Variants in KCNH7 observed in about 807,000 individuals in gnomAD.
KCNH7 encodes potassium voltage-gated channel subfamily H member 7.
Under a neutral mutation model 120.8 loss-of-function variants are expected in KCNH7, and 49 were observed. The ratio of observed to expected loss-of-function variants is 0.41; its 90% CI spans 0.32 to 0.51. The LOEUF is 0.51. Among genes scored for constraint, KCNH7 ranks in the 20% least tolerant of loss-of-function variants. KCNH7 has a pLI of 0.38. For synonymous variants in KCNH7, 547 were observed against 516.1 expected, an observed-to-expected ratio of 1.06 and a Z score of -0.81; for missense variants, 1,097 against 1,446.6, an observed-to-expected ratio of 0.76 and a Z score of 3.92.
At chr2:162,789,961 G>A (rs76667790) in intron 2 of KCNH7, among the ~76,000 whole-genome samples, 424 of 150,966 alleles carry the variant, frequency 2.8e-3, no homozygotes, top group African/African-American at 9.8e-3. Flanking sequence ...ACAAAATTAA[G>A]CCAAACATTA....
At chr2:162,614,600 CAT>C (rs1428039435) in intron 2 of KCNH7, among the ~76,000 whole-genome samples, 2 of 151,266 alleles carry the variant, frequency 1.3e-5, no homozygotes, top group African/African-American at 4.9e-5. Context: ...ATATTAAAAA[CAT>C]AATAGGATAG....
intron 2 of KCNH7, among the ~76,000 whole-genome samples, chr2:162,570,274 C>T (rs2105897045): frequency 6.6e-6 from 1 of 151,022 alleles, no homozygotes; most frequent in Admixed American, 6.6e-5. Context: ...GATCCCTTTA[C>T]CATTATGTAA....
At chr2:162,764,747 A>G (rs1374493920) in intron 2 of KCNH7, among the ~76,000 whole-genome samples, 1 of 152,178 alleles carries the variant, frequency 6.6e-6, no homozygotes, top group African/African-American at 2.4e-5. Flanking sequence ...CAATGTAAAC[A>G]TAAATATCTT....
intron 8 of KCNH7, among the ~76,000 whole-genome samples, chr2:162,423,839 C>A (rs537581742): frequency 1.3e-5 from 2 of 152,032 alleles, no homozygotes; most frequent in South Asian, 2.1e-4. Flanking sequence ...GAAATAAACC[C>A]TTTCACTTGA....
At chr2:162,539,585 C>G (rs374674231) in intron 2 of KCNH7, among the ~76,000 whole-genome samples, 5 of 151,924 alleles carry the variant, frequency 3.3e-5, no homozygotes, top group African/African-American at 1.2e-4. Flanking sequence ...TAGTAATTTA[C>G]TGAATTACTA....
intron 12 of KCNH7, among the ~76,000 whole-genome samples, chr2:162,393,598 G>A (rs1686809143): frequency 6.6e-6 from 1 of 151,932 alleles, no homozygotes; most frequent in African/African-American, 2.4e-5. Context: ...TCAAGAAAAA[G>A]AGGGGACCTT....
chr2:162,781,777 T>C (rs1167271494), intron 2 of KCNH7, among the ~76,000 whole-genome samples: 2 of 152,130 alleles, frequency 1.3e-5, no homozygotes, highest in East Asian at 1.9e-4. Flanking sequence ...TTTCAGGGGG[T>C]CAGTTAGAAA....
chr2:162,735,301 C>T (rs145453424), intron 2 of KCNH7, among the ~76,000 whole-genome samples: 60 of 152,266 alleles, frequency 3.9e-4, no homozygotes, highest in Non-Finnish European at 6.0e-4. Flanking sequence ...TGAACCCTCT[C>T]CTTGTTCGGA....
chr2:162,476,598 T>C (rs968533995), intron 6 of KCNH7, among the ~76,000 whole-genome samples: 2 of 152,332 alleles, frequency 1.3e-5, no homozygotes, highest in Non-Finnish European at 2.9e-5. Context: ...ATTTGCTCTG[T>C]ATCCTTAATA....
At position 162,624,113 on chromosome 2, in the gene KCNH7, T is replaced by C. The variant is rs139948406; in HGVS notation, c.308-87033A>G. Among the ~76,000 whole-genome samples the C allele has an allele frequency of 2.7e-3, 404 of 152,256 alleles. 4 individuals are homozygous for C. Among genetic ancestry groups the C allele is most frequent in the African/African-American group, 9.1e-3 (377 of 41,542 alleles). On this transcript the variant is annotated intron_variant, in intron 2 of 15. Coordinates refer to ENST00000332142, the MANE Select transcript of KCNH7 (RefSeq NM_033272.4). ...TCCTCCATTAGTCAGGGACATGGTC[T>C]GCTCCTGACAGTCAACCAGCAATAT...
At chr2:162,626,838 G>T (rs1208736463) in intron 2 of KCNH7, among the ~76,000 whole-genome samples, 1 of 152,142 alleles carries the variant, frequency 6.6e-6, no homozygotes, top group Non-Finnish European at 1.5e-5. Flanking sequence ...ATAGGAAATA[G>T]AGGGTAACTA....
intron 13 of KCNH7, among the ~76,000 whole-genome samples, chr2:162,381,660 G>A (rs1686423064): frequency 6.6e-6 from 1 of 151,932 alleles, no homozygotes; most frequent in Non-Finnish European, 1.5e-5. Flanking sequence ...GACCTCAGAG[G>A]GCTTGCTATG....
chr2:162,452,243 A>G (rs1445832851), intron 6 of KCNH7, among the ~76,000 whole-genome samples: 1 of 152,054 alleles, frequency 6.6e-6, no homozygotes, highest in Non-Finnish European at 1.5e-5. Flanking sequence ...CTATTTATTT[A>G]TAATAAACTT....
At chr2:162,470,958 G>A (rs1417261312) in intron 6 of KCNH7, among the ~76,000 whole-genome samples, 1 of 152,140 alleles carries the variant, frequency 6.6e-6, no homozygotes, top group Non-Finnish European at 1.5e-5. Flanking sequence ...CCAACCCTGT[G>A]CCCTCTGAAA....
At chr2:162,722,805 CTTTTTTTCTTTTT>C (rs1687366074) in intron 2 of KCNH7, among the ~76,000 whole-genome samples, 1 of 79,878 alleles carries the variant, frequency 1.3e-5, no homozygotes. Context: ...TTCATTCATT[CTTTTTTTCTTTTT>C]TTTTTTTTTT....
chr2:162,418,766 G>A (rs977577001), intron 9 of KCNH7, among the ~76,000 whole-genome samples: 1 of 152,112 alleles, frequency 6.6e-6, no homozygotes, highest in Non-Finnish European at 1.5e-5. Context: ...GGTAAAGAAA[G>A]TCAAGTTTTC....
At chr2:162,498,000 C>A (rs1381995255) in intron 6 of KCNH7, among the ~76,000 whole-genome samples, 1 of 151,970 alleles carries the variant, frequency 6.6e-6, no homozygotes, top group East Asian at 1.9e-4. Context: ...TTCTTGTGAC[C>A]TAAGTTATTT....
At chr2:162,504,071 C>T (rs1376771316) in intron 6 of KCNH7, among the ~76,000 whole-genome samples, 2 of 151,902 alleles carry the variant, frequency 1.3e-5, no homozygotes, top group Non-Finnish European at 2.9e-5. Flanking sequence ...AGAGCAAATG[C>T]TAATTAGTCC....
intron 6 of KCNH7, among the ~76,000 whole-genome samples, chr2:162,451,924 A>G (rs1044737436): frequency 3.3e-5 from 5 of 152,028 alleles, no homozygotes; most frequent in Admixed American, 6.6e-5. Context: ...AATGCTCTCT[A>G]TCTCTTGACA....
Sources: allele counts gnomAD v4.1 joint callset (sites outside exome capture counted in the v4.1 genomes callset), GRCh38; gene constraint gnomAD v4.1.1; transcripts MANE v1.5; gene names NCBI Gene and HGNC (gene_info 2026-07-23, HGNC 2026-07-21).